The following CCDC91 variants were observed in gnomAD, a reference collection of about 807,000 sequenced individuals.
The protein encoded by CCDC91 is coiled-coil domain-containing protein 91.
In CCDC91, 48 loss-of-function variants were observed where a neutral mutation model predicts 63.2. The ratio of observed to expected loss-of-function variants is 0.76; its 90% CI spans 0.60 to 0.97. The LOEUF is 0.97. CCDC91 is among the 50% of genes least tolerant of loss of function. CCDC91 has a pLI of 0.00. For missense variants in CCDC91, 500 were observed against 494.6 expected, an observed-to-expected ratio of 1.01 and a Z score of -0.10; for synonymous variants, 167 against 165.8, an observed-to-expected ratio of 1.01 and a Z score of -0.06.
At chr12:28,388,570 A>G (rs960611733) in intron 7 of CCDC91, among the ~76,000 whole-genome samples, 6 of 152,214 alleles carry the variant, frequency 3.9e-5, no homozygotes, top group African/African-American at 1.2e-4. Context: ...AAAGACTTCT[A>G]CAAGGAAAAC....
intron 6 of CCDC91, among the ~76,000 whole-genome samples, chr12:28,313,253 A>G (rs182587299): frequency 3.8e-4 from 58 of 152,158 alleles, no homozygotes; most frequent in African/African-American, 1.4e-3. Context: ...GGAGTCCAGT[A>G]AGATATTGCT....
intron 6 of CCDC91, among the ~76,000 whole-genome samples, chr12:28,362,178 T>TGGGACTTGGAAAG (rs1218911736): frequency 6.6e-6 from 1 of 151,960 alleles, no homozygotes; most frequent in Admixed American, 6.5e-5. Flanking sequence ...GAAAGTACCT[T>TGGGACTTGGAAAG]TGCCTTGTGT....
chr12:28,462,240 A>G (rs947291752), intron 11 of CCDC91, among the ~76,000 whole-genome samples: 1 of 152,142 alleles, frequency 6.6e-6, no homozygotes, highest in Admixed American at 6.6e-5. Flanking sequence ...GGAACAGAAC[A>G]TGAGAGTGTT....
At chr12:28,304,951 A>G (rs749528433) in intron 3 of CCDC91, among the ~76,000 whole-genome samples, 24 of 152,130 alleles carry the variant, frequency 1.6e-4, no homozygotes, top group East Asian at 3.9e-4. Context: ...ATCACAATCT[A>G]TTTTTCTTAA....
intron 6 of CCDC91, among the ~76,000 whole-genome samples, chr12:28,311,165 A>T (rs1051834775): frequency 6.6e-6 from 1 of 151,944 alleles, no homozygotes; most frequent in Non-Finnish European, 1.5e-5. Flanking sequence ...GGTAGGAGGG[A>T]TACTGCCTTA....
intron 7 of CCDC91, among the ~76,000 whole-genome samples, chr12:28,369,445 G>T (rs1944474718): frequency 6.6e-6 from 1 of 152,204 alleles, no homozygotes; most frequent in South Asian, 2.1e-4. Context: ...CTCTCCCCCT[G>T]AGGCTCTGCG....
chr12:28,194,998 A>G (rs1591934066), intron 1 of CCDC91, among the ~76,000 whole-genome samples: 1 of 152,220 alleles, frequency 6.6e-6, no homozygotes, highest in African/African-American at 2.4e-5. Flanking sequence ...CAGTGAAAGA[A>G]CAAAGCTTCC....
At chr12:28,439,242 A>G (rs1188690175) in intron 8 of CCDC91, among the ~76,000 whole-genome samples, 3 of 152,126 alleles carry the variant, frequency 2.0e-5, no homozygotes, top group African/African-American at 7.2e-5. Flanking sequence ...GCTTGTGGTA[A>G]CTTCTTTAAG....
intron 12 of CCDC91, among the ~76,000 whole-genome samples, chr12:28,546,660 T>G (rs1447579044): frequency 6.6e-6 from 1 of 152,090 alleles, no homozygotes; most frequent in East Asian, 1.9e-4. Context: ...AATCTTAATG[T>G]CTGTGAATAT....
chr12:28,409,209 T>C (rs1475754866), intron 8 of CCDC91, among the ~76,000 whole-genome samples: 1 of 152,214 alleles, frequency 6.6e-6, no homozygotes, highest in African/African-American at 2.4e-5. Flanking sequence ...TTATTTTAGC[T>C]GTACCTGTTT....
At chr12:28,242,655 A>G (rs959444601) in intron 1 of CCDC91, among the ~76,000 whole-genome samples, 3 of 152,096 alleles carry the variant, frequency 2.0e-5, no homozygotes, top group African/African-American at 7.2e-5. Context: ...GTTGTTATCA[A>G]AGAGTTTCCC....
intron 1 of CCDC91, among the ~76,000 whole-genome samples, chr12:28,210,598 A>G (rs1943166878): frequency 6.6e-6 from 1 of 152,180 alleles, no homozygotes; most frequent in Admixed American, 6.5e-5. Context: ...CCAGGCTGTT[A>G]GAGCTTGAAT....
At chr12:28,368,620 T>C (rs1004992124) in intron 7 of CCDC91, among the ~76,000 whole-genome samples, 54 of 152,210 alleles carry the variant, frequency 3.5e-4, no homozygotes, top group Non-Finnish European at 7.5e-4. Context: ...CTTCATGCAT[T>C]TTTTGGATAT....
At chr12:28,259,515 C>A in intron 3 of CCDC91, 73 bp downstream of exon 3, 1 of 929,674 alleles carries the variant, frequency 1.1e-6, no homozygotes, top group Non-Finnish European at 1.7e-6. Flanking sequence ...TCTTTGAAAC[C>A]CTATTTCTCA....
rs80292951 is a variant in CCDC91 at position 28,317,202 on chromosome 12, A to T, written c.576+9453A>T. ...ATTTTGGCATTCACAAGGGATATAGATTTGTGATAGGAATATCCCAGTTTG... is the reference window on the plus strand; with the variant it reads ...ATTTTGGCATTCACAAGGGATATAGTTTTGTGATAGGAATATCCCAGTTTG... On this transcript the variant is annotated intron_variant, in intron 6 of 12. Transcript: ENST00000536442. Among the ~76,000 whole-genome samples, 358 of 152,116 alleles carry T rather than the reference A, an allele frequency of 2.4e-3. 2 individuals carry two copies. The highest frequency in any genetic ancestry group is 8.2e-3 in the African/African-American group (339 of 41,554).
intron 1 of CCDC91, among the ~76,000 whole-genome samples, chr12:28,218,807 A>G (rs1488267659): frequency 1.3e-5 from 2 of 152,102 alleles, no homozygotes; most frequent in African/African-American, 4.8e-5. Context: ...TGTTGCATAT[A>G]TAAATAGGTT....
intron 6 of CCDC91, among the ~76,000 whole-genome samples, chr12:28,342,849 G>C (rs1942532365): frequency 6.6e-6 from 1 of 152,176 alleles, no homozygotes; most frequent in Admixed American, 6.5e-5. Context: ...TATAAGAATG[G>C]AGTAAAGAGA....
intron 6 of CCDC91, among the ~76,000 whole-genome samples, chr12:28,352,659 G>T (rs1261285768): frequency 1.3e-5 from 2 of 152,156 alleles, no homozygotes; most frequent in Non-Finnish European, 2.9e-5. Context: ...TACCACATCT[G>T]TGGTGGAAAG....
At chr12:28,536,332 C>T (rs999176792) in intron 12 of CCDC91, among the ~76,000 whole-genome samples, 5 of 152,162 alleles carry the variant, frequency 3.3e-5, no homozygotes, top group African/African-American at 1.2e-4. Context: ...AATGCCCCTG[C>T]AGGTTTTAAA....
Sources: gnomAD v4.1 joint callset for allele counts (sites outside exome capture counted in the v4.1 genomes callset) on GRCh38, gnomAD v4.1.1 for gene constraint, MANE v1.5 for transcripts, NCBI Gene and HGNC (gene_info 2026-07-23, HGNC 2026-07-21) for gene names.